The following PCDHGB3 variants were observed in gnomAD, a reference collection of about 807,000 sequenced individuals.
The protein encoded by PCDHGB3 is protocadherin gamma-B3.
PCDHGB3 carries 40 observed loss-of-function variants against 59.2 expected under a neutral mutation model. That is an observed-to-expected ratio of 0.68 (90% CI 0.52 to 0.88). PCDHGB3 has a LOEUF of 0.88. Ranked by LOEUF, PCDHGB3 falls within the 40% of genes least tolerant of loss-of-function variation. The pLI, the probability that PCDHGB3 is intolerant of heterozygous loss-of-function variation, is 0.00. For missense variants in PCDHGB3, 1,309 were observed against 1,187.9 expected, an observed-to-expected ratio of 1.10 and a Z score of -1.50; for synonymous variants, 581 against 503.6, an observed-to-expected ratio of 1.15 and a Z score of -2.06.
At position 141,489,577 on chromosome 5, in the gene PCDHGB3, C is replaced by A. The variant is rs918238376; in HGVS notation, c.2416-5230C>A. The stretch of plus-strand genomic sequence containing the variant: ...GCCAGTGCAGGTGGTGACTGAACAC[C>A]CCCTGGAGCTAATCCGTGTAGAGGT... On this transcript the variant is annotated intron_variant, in intron 1 of 3. Coordinates refer to ENST00000576222, the MANE Select transcript of PCDHGB3 (RefSeq NM_018924.5). This position sits in a 1 kb window ranked among gnomAD's most constrained non-coding sequence, Gnocchi z 4.5. The A allele has an allele frequency of 6.2e-7, 1 of 1,613,894 alleles. No individual in the cohort carries two copies. The highest frequency in any genetic ancestry group is 8.5e-7 in the Non-Finnish European group (1 of 1,180,000).
intron 1 of PCDHGB3, chr5:141,399,573 A>T (rs1431985190): frequency 6.2e-7 from 1 of 1,614,020 alleles, no homozygotes; most frequent in Admixed American, 1.7e-5. Flanking sequence ...TGAACGGCCA[A>T]GTCTCCTACT....
chr5:141,371,145 G>T lies in PCDHGB3; in HGVS notation c.751G>T (p.Val251Phe), dbSNP rs144065486. The T allele has an allele frequency of 2.5e-6, 4 of 1,613,912 alleles. No homozygotes were observed. In the African/African-American group the frequency reaches 5.3e-5, roughly 22 times the overall value. Residue 251 changes from valine to phenylalanine, a missense_variant, in exon 1 of 4, where the codon GTT becomes TTT. Coordinates refer to ENST00000576222, the MANE Select transcript of PCDHGB3 (RefSeq NM_018924.5). ...TACTCAGGACATGTACAGGGTCAAT[G>T]TTGCAGAGAACCTGCCCGCTGGCTC... Reference protein sequence around the residue: ...VFTQDMYRVNVAENLPAGSSV... With the variant: ...VFTQDMYRVNFAENLPAGSSV...
At chr5:141,410,752 GT>G (rs2095421794) in intron 1 of PCDHGB3, 1 of 1,130,824 alleles carries the variant, frequency 8.8e-7, no homozygotes, top group Non-Finnish European at 1.2e-6. Context: ...TTTTCTCAAT[GT>G]TTTTTCAATT....
chr5:141,505,592 A>T, intron 3 of PCDHGB3, 111 bp downstream of exon 3: 2 of 1,567,266 alleles, frequency 1.3e-6, no homozygotes, highest in Admixed American at 3.6e-5. Flanking sequence ...GTTTCTCCAG[A>T]TCTTTCGGCA....
rs576464275 is a variant in PCDHGB3, at chr5:141,448,784, CA to C, written c.2416-46012del. ...TGAAACCCCGTCTGTACTAAAAATA[CA>C]AAAAAAAAAATTAGCCAGGCGTGAT... On this transcript the variant is annotated intron_variant, in intron 1 of 3. Coordinates refer to ENST00000576222, the MANE Select transcript of PCDHGB3 (RefSeq NM_018924.5). Among the ~76,000 whole-genome samples, 323 of 145,522 alleles carry C rather than the reference CA, an allele frequency of 2.2e-3. 2 individuals are homozygous for C. The highest frequency in any genetic ancestry group is 5.9e-3 in the African/African-American group (238 of 40,012).
At chr5:141,409,967 AC>A (rs779248187) in intron 1 of PCDHGB3, 29 of 1,613,086 alleles carry the variant, frequency 1.8e-5, no homozygotes, top group Non-Finnish European at 2.4e-5. Flanking sequence ...CTACCTAGTG[AC>A]TAAGGTGGTA....
intron 1 of PCDHGB3, chr5:141,390,026 A>G (rs1442754847): frequency 1.2e-6 from 2 of 1,613,826 alleles, no homozygotes; most frequent in Admixed American, 1.7e-5. Flanking sequence ...TGCGCCTGCG[A>G]CGCTCCTCCA....
intron 1 of PCDHGB3, among the ~76,000 whole-genome samples, chr5:141,488,434 C>T (rs1231743982): frequency 2.6e-5 from 4 of 152,166 alleles, no homozygotes; most frequent in African/African-American, 7.2e-5. Flanking sequence ...TGGCCTCTGA[C>T]CACCCTCCTG....
rs573580017 is a variant in PCDHGB3, at chr5:141,484,867, G to T, written c.2416-9940G>T. 33 of 282,678 alleles carry T rather than the reference G, an allele frequency of 1.2e-4. No individual in the cohort carries two copies. The South Asian group carries it at 1.6e-3, about 14-fold the overall frequency. The allele number at this position is 282,678 out of a possible 1,614,324, so 17.5% of individuals were successfully genotyped here. On this transcript the variant is annotated intron_variant, in intron 1 of 3. Transcript: ENST00000576222. ...TGGGTTTTTTGGGGGGTGGGGGAGC[G>T]TGGAGGATAGGGTGGGCTTTTTCCC...
chr5:141,510,862 C>CATTCA, intron 3 of PCDHGB3, 85 bp from the exon 4 acceptor site: 1 of 1,606,772 alleles, frequency 6.2e-7, no homozygotes, highest in South Asian at 1.1e-5. Flanking sequence ...GCTGTATAGG[C>CATTCA]ATTCATTAAC....
At chr5:141,403,270 T>C (rs1284833810) in intron 1 of PCDHGB3, 2 of 1,613,770 alleles carry the variant, frequency 1.2e-6, no homozygotes, top group African/African-American at 1.3e-5. Flanking sequence ...TGGTGAACTT[T>C]AAAGTCCTGG....
At position 141,415,070 on chromosome 5, in the gene PCDHGB3, C is replaced by G. The variant is rs538474552; in HGVS notation, c.2415+42261C>G. ...GGGGAGCACACGGGCGAGGTGCGCACGGCGCGAGCCCTGCTGGACAGAGAC... is the reference window on the plus strand; with the variant it reads ...GGGGAGCACACGGGCGAGGTGCGCAGGGCGCGAGCCCTGCTGGACAGAGAC... On this transcript the variant is annotated intron_variant, in intron 1 of 3. Coordinates refer to ENST00000576222, the MANE Select transcript of PCDHGB3 (RefSeq NM_018924.5). 26 of 1,613,284 alleles carry G rather than the reference C, an allele frequency of 1.6e-5. No homozygotes were observed. The Middle Eastern group carries it at 1.5e-3, about 92-fold the overall frequency.
chr5:141,395,463 C>A, intron 1 of PCDHGB3: 1 of 582,522 alleles, frequency 1.7e-6, no homozygotes, highest in Non-Finnish European at 2.9e-6. Flanking sequence ...CCATTTTAAG[C>A]CTTCCAGTAT....
At chr5:141,453,517 C>T (rs1001603927) in intron 1 of PCDHGB3, among the ~76,000 whole-genome samples, 1 of 152,062 alleles carries the variant, frequency 6.6e-6, no homozygotes, top group African/African-American at 2.4e-5. Context: ...TCATTCCTCC[C>T]CTATACCTTC....
chr5:141,390,187 G>T, intron 1 of PCDHGB3: 1 of 1,614,040 alleles, frequency 6.2e-7, no homozygotes, highest in Non-Finnish European at 8.5e-7. Flanking sequence ...CTAAAATGTA[G>T]TGAGCAGTTG....
chr5:141,404,071 C>T, intron 1 of PCDHGB3: 2 of 1,613,734 alleles, frequency 1.2e-6, no homozygotes, highest in Non-Finnish European at 1.7e-6. Context: ...ATGCTCATGA[C>T]CGAGACTCCG....
intron 1 of PCDHGB3, chr5:141,388,282 T>A: frequency 6.2e-7 from 1 of 1,613,222 alleles, no homozygotes; most frequent in South Asian, 1.1e-5. Context: ...ACGCCAAAAT[T>A]CACGCAAAAT....
intron 1 of PCDHGB3, chr5:141,426,874 C>T: frequency 2.2e-6 from 1 of 456,654 alleles, no homozygotes; most frequent in Non-Finnish European, 4.4e-6. Context: ...CTGGAGAAGC[C>T]CCTGGGCCAG....
intron 1 of PCDHGB3, chr5:141,440,534 C>A (rs562736984): frequency 1.3e-5 from 2 of 152,188 alleles, no homozygotes; most frequent in East Asian, 3.9e-4. Flanking sequence ...TCATGCACCA[C>A]GGTTCAGCAG....
Sources: gnomAD v4.1 joint callset for allele counts (sites outside exome capture counted in the v4.1 genomes callset) on GRCh38, gnomAD v4.1.1 for gene constraint, Gnocchi (gnomAD v3.1) non-coding constraint, MANE v1.5 for transcripts, NCBI Gene and HGNC (gene_info 2026-07-23, HGNC 2026-07-21) for gene names.